TRIM33: variants seen among roughly 807,000 people sequenced by gnomAD.
TRIM33 encodes the protein E3 ubiquitin-protein ligase TRIM33.
Under a neutral mutation model 125.4 loss-of-function variants are expected in TRIM33, and 20 were observed. The observed-to-expected ratio is 0.16, with a 90% CI of 0.11 to 0.23. TRIM33 has a LOEUF of 0.23. TRIM33 is among the 10% of genes least tolerant of loss of function. The pLI, the probability that TRIM33 is intolerant of heterozygous loss-of-function variation, is 1.00. For missense variants in TRIM33, 920 were observed against 1,411.4 expected (o/e 0.65, Z 5.58); for synonymous variants, 564 against 513.9 (o/e 1.10, Z -1.32).
intron 1 of TRIM33, among the ~76,000 whole-genome samples, chr1:114,489,675 G>A (rs1216427659): frequency 1.3e-5 from 2 of 152,164 alleles, no homozygotes; most frequent in South Asian, 2.1e-4. Context: ...AGCCCACAAG[G>A]TTGAGGCTGC....
intron 1 of TRIM33, 30 bp from the exon 2 acceptor site, chr1:114,464,418 T>C: frequency 7.7e-7 from 1 of 1,300,522 alleles, no homozygotes; most frequent in Non-Finnish European, 1.1e-6. Flanking sequence ...CATTTTAAAA[T>C]ATTCTTCAGG....
intron 1 of TRIM33, among the ~76,000 whole-genome samples, chr1:114,483,262 A>ACACCACTG (rs1256578914): frequency 1.3e-5 from 2 of 152,102 alleles, no homozygotes; most frequent in Non-Finnish European, 2.9e-5. Flanking sequence ...AGCTGCGATC[A>ACACCACTG]CACCACTGCA....
rs746447461 is a variant in TRIM33 at position 114,462,456 on chromosome 1, A to AT, written c.923+647dup. Among the ~76,000 whole-genome samples the AT allele has an allele frequency of 5.3e-5, 8 of 152,294 alleles. No individual in the cohort carries two copies. In the East Asian group the frequency reaches 1.4e-3, roughly 26 times the overall value. On this transcript the variant is annotated intron_variant, in intron 4 of 19. Transcript: ENST00000358465. ...TGTTGTTTGAAAAACACTTTGGAAA[A>AT]TTCTGGACTATGGGTGACACCATCT...
At chr1:114,430,450 C>T (rs1647875736) in intron 6 of TRIM33, among the ~76,000 whole-genome samples, 1 of 152,002 alleles carries the variant, frequency 6.6e-6, no homozygotes, top group Non-Finnish European at 1.5e-5. Context: ...GCCATGTTGC[C>T]TGGGCTGGGC....
At chr1:114,424,265 T>C (rs1237112977) in intron 10 of TRIM33, among the ~76,000 whole-genome samples, 2 of 152,358 alleles carry the variant, frequency 1.3e-5, no homozygotes, top group South Asian at 2.1e-4. Flanking sequence ...AGGAAACTAA[T>C]GTTCTTGCTA....
chr1:114,458,005 A>G (rs1180141450), intron 4 of TRIM33, among the ~76,000 whole-genome samples: 1 of 152,220 alleles, frequency 6.6e-6, no homozygotes, highest in Admixed American at 6.5e-5. Flanking sequence ...AGTGAGAGAA[A>G]TCTAACACAA....
chr1:114,478,303 T>A (rs527641658), intron 1 of TRIM33, among the ~76,000 whole-genome samples: 1 of 152,170 alleles, frequency 6.6e-6, no homozygotes, highest in Non-Finnish European at 1.5e-5. Flanking sequence ...GTAGAATCAA[T>A]TGGGGAGAGA....
At chr1:114,406,530 CA>C (rs1413275683) in intron 14 of TRIM33, among the ~76,000 whole-genome samples, 2 of 152,170 alleles carry the variant, frequency 1.3e-5, no homozygotes, top group African/African-American at 4.8e-5. Context: ...CTTCCTATCA[CA>C]AAACTCTGAT....
At chr1:114,439,707 A>G (rs1262142323) in intron 4 of TRIM33, among the ~76,000 whole-genome samples, 2 of 152,114 alleles carry the variant, frequency 1.3e-5, no homozygotes, top group African/African-American at 4.8e-5. Flanking sequence ...ACATCCCCCA[A>G]GCACAAGAAA....
chr1:114,459,919 G>A (rs1002284943), intron 4 of TRIM33: 3 of 152,918 alleles, frequency 2.0e-5, no homozygotes, highest in African/African-American at 7.2e-5. Context: ...CACTGCTGAA[G>A]CAAGAGTGGC....
In TRIM33 at chr1:114,402,808, A is replaced by G; in HGVS notation, c.2844T>C (p.His948=). Residue 948 remains histidine, a synonymous_variant, in exon 16 of 20, where the codon CAT becomes CAC. Coordinates refer to ENST00000358465, the MANE Select transcript of TRIM33 (RefSeq NM_015906.4). ...CCTGCGCAGTTTTCCCCTTCTTACT[A>G]TGTTGCAAATTATCACAATCATATT... ...EVEYDCDNLQ[H]SKKGKTAQGL... is the part of the protein sequence containing the mutation. The G allele has an allele frequency of 6.2e-7, 1 of 1,614,110 alleles. No homozygotes were observed. Among genetic ancestry groups the G allele is most frequent in the South Asian group, 1.1e-5 (1 of 91,080 alleles).
rs187119983 is a variant in TRIM33 at position 114,460,529 on chromosome 1, T to C, written c.923+2575A>G. ...AATTTCCCAAATAAGCCTGTTTCAATTGGCATGATAATGAGGCTCCCTGTG... is the reference window on the plus strand; with the variant it reads ...AATTTCCCAAATAAGCCTGTTTCAACTGGCATGATAATGAGGCTCCCTGTG... On this transcript the variant is annotated intron_variant, in intron 4 of 19. Coordinates refer to ENST00000358465, the MANE Select transcript of TRIM33 (RefSeq NM_015906.4). Among the ~76,000 whole-genome samples, 123 of 150,564 alleles carry C rather than the reference T, an allele frequency of 8.2e-4. No individual in the cohort carries two copies. The East Asian group carries it at 0.02, about 25-fold the overall frequency.
At chr1:114,500,354 GTCTC>G (rs1393803172) in intron 1 of TRIM33, among the ~76,000 whole-genome samples, 1 of 151,934 alleles carries the variant, frequency 6.6e-6, no homozygotes, top group Non-Finnish European at 1.5e-5. Flanking sequence ...AGATGGCGGC[GTCTC>G]TCTGTGTTGC....
intron 18 of TRIM33, among the ~76,000 whole-genome samples, chr1:114,399,199 T>C (rs759212704): frequency 6.6e-6 from 1 of 152,046 alleles, no homozygotes; most frequent in Non-Finnish European, 1.5e-5. Flanking sequence ...GACAGTACTT[T>C]CCATACTTAT....
chr1:114,510,764 G>C lies in TRIM33; in HGVS notation c.313C>G (p.Pro105Ala). Residue 105 changes from proline (P) to alanine (A), a missense_variant, in exon 1 of 20, where the codon CCC (proline) becomes GCC (alanine). Pro to Ala is a conservative substitution (Grantham distance 27). Around this residue, in one of 8 missense-constraint regions of TRIM33, gnomAD observed 233 missense variants for 189.6 expected, o/e 1.23. Transcript: ENST00000358465. ...STPAPAPASAPAPGPSAGPPP... is the reference protein window; with the variant it reads ...STPAPAPASAAAPGPSAGPPP... ...GGCCCTGCCGAGGGACCCGGAGCGG[G>C]AGCCGAGGCTGGAGCTGGAGCCGGC... 2 of 1,523,138 alleles carry C rather than the reference G, an allele frequency of 1.3e-6. No homozygotes were observed. The highest frequency in any genetic ancestry group is 1.8e-6 in the Non-Finnish European group (2 of 1,140,688). 94.4% of individuals were successfully genotyped at this position (1,523,138 alleles called of 1,614,324 possible). A position where few individuals can be genotyped will look rare whatever the true frequency, so the allele number is the denominator to read the frequency against.
intron 4 of TRIM33, among the ~76,000 whole-genome samples, chr1:114,450,182 G>A (rs1163571416): frequency 6.6e-6 from 1 of 152,088 alleles, no homozygotes; most frequent in African/African-American, 2.4e-5. Flanking sequence ...GCTTGCACCC[G>A]GCAGGGGCAG....
intron 1 of TRIM33, among the ~76,000 whole-genome samples, chr1:114,499,759 C>T (rs1346777949): frequency 2.0e-5 from 3 of 152,138 alleles, no homozygotes; most frequent in Non-Finnish European, 4.4e-5. Flanking sequence ...CACAGGAGGA[C>T]ACCACCCACA....
intron 1 of TRIM33, among the ~76,000 whole-genome samples, chr1:114,502,126 T>C (rs1462608065): frequency 1.3e-5 from 2 of 152,204 alleles, no homozygotes; most frequent in African/African-American, 4.8e-5. Context: ...TTAACTTCAG[T>C]TAATAAGTAC....
intron 1 of TRIM33, among the ~76,000 whole-genome samples, chr1:114,472,972 T>C (rs1650740694): frequency 1.3e-5 from 2 of 151,910 alleles, no homozygotes; most frequent in African/African-American, 4.8e-5. Flanking sequence ...AAAGTTTTGG[T>C]GCCGCAAAAG....
Sources: gnomAD v4.1 joint callset for allele counts (sites outside exome capture counted in the v4.1 genomes callset) on GRCh38, gnomAD v4.1.1 for gene constraint, gnomAD v4.1.1 regional missense constraint, MANE v1.5 for transcripts, NCBI Gene and HGNC (gene_info 2026-07-23, HGNC 2026-07-21) for gene names.